MAP7: variants seen among roughly 807,000 people sequenced by gnomAD.
The protein encoded by MAP7 is microtubule associated protein 7.
MAP7 carries 52 observed loss-of-function variants against 94.8 expected under a neutral mutation model. The ratio of observed to expected loss-of-function variants is 0.55; its 90% CI spans 0.44 to 0.69. The LOEUF (loss-of-function observed/expected upper bound fraction) is 0.69, where lower values mean the gene tolerates loss of function less well. Ranked by LOEUF, MAP7 falls within the 30% of genes least tolerant of loss-of-function variation. The pLI, the probability that MAP7 is intolerant of heterozygous loss-of-function variation, is 0.00. For synonymous variants in MAP7, 350 were observed against 357.0 expected, an observed-to-expected ratio of 0.98 and a Z score of 0.22; for missense variants, 940 against 964.6, an observed-to-expected ratio of 0.97 and a Z score of 0.34.
intron 1 of MAP7, among the ~76,000 whole-genome samples, chr6:136,541,721 A>G (rs1829335653): frequency 6.6e-6 from 1 of 152,208 alleles, no homozygotes; most frequent in Admixed American, 6.5e-5. Context: ...AGTTGAATGC[A>G]GTTTTTCTCA....
In MAP7 at chr6:136,365,955, G is replaced by C; in HGVS notation, c.1053C>G (p.Pro351=). The C allele has an allele frequency of 6.2e-7, 1 of 1,613,838 alleles. No homozygotes were observed. Among genetic ancestry groups the C allele is most frequent in the South Asian group, 1.1e-5 (1 of 91,070 alleles). The change falls in exon 10 of 18, where the codon CCC becomes CCG. Residue 351 remains proline (P), a synonymous_variant. Coordinates refer to ENST00000354570, the MANE Select transcript of MAP7 (RefSeq NM_003980.6). The part of the protein sequence containing the change: ...GTPRPTSSLP[P]GSVKAAPAQV... ...GAGCAGGAGCAGCTTTGACTGAGCC[G>C]GGTGGCAAGGAGGATGTCGGTCTGG...
chr6:136,519,668 A>T (rs1052682856), intron 1 of MAP7, among the ~76,000 whole-genome samples: 1 of 152,212 alleles, frequency 6.6e-6, no homozygotes, highest in Non-Finnish European at 1.5e-5. Flanking sequence ...AAGTCACTGC[A>T]GGCTCCAGAA....
chr6:136,370,563 A>G (rs192927241), intron 8 of MAP7, among the ~76,000 whole-genome samples: 1 of 152,376 alleles, frequency 6.6e-6, no homozygotes, highest in East Asian at 1.9e-4. Flanking sequence ...ATATAATGGA[A>G]TATAATTCAG....
intron 1 of MAP7, among the ~76,000 whole-genome samples, chr6:136,465,247 C>T (rs144889323): frequency 1.3e-3 from 197 of 152,250 alleles, no homozygotes; most frequent in African/African-American, 4.5e-3. Flanking sequence ...GTATTTTAAG[C>T]CACTTATCTA....
intron 1 of MAP7, among the ~76,000 whole-genome samples, chr6:136,523,353 G>A (rs1247146355): frequency 6.6e-6 from 1 of 152,196 alleles, no homozygotes; most frequent in Non-Finnish European, 1.5e-5. Context: ...CTACAGACCA[G>A]AACTGTGTTG....
At chr6:136,412,065 C>G (rs1049009474) in intron 2 of MAP7, among the ~76,000 whole-genome samples, 16 of 152,154 alleles carry the variant, frequency 1.1e-4, no homozygotes, top group South Asian at 2.1e-4. Flanking sequence ...TAGCTTTATA[C>G]TGCACAAATG....
At chr6:136,420,526 A>C in intron 2 of MAP7, 1 of 289,462 alleles carries the variant, frequency 3.5e-6, no homozygotes, top group Non-Finnish European at 6.6e-6. Flanking sequence ...GACAGGGTTC[A>C]TGTTGTTTGC....
chr6:136,360,575 C>T (rs1483640889), intron 13 of MAP7, 122 bp downstream of exon 13: 40 of 770,554 alleles, frequency 5.2e-5, no homozygotes, highest in Non-Finnish European at 7.8e-5. Flanking sequence ...ATTGTTATCA[C>T]TGAGGGGGCT....
In MAP7 at chr6:136,517,334, A is replaced by G. The variant is rs574191233; in HGVS notation, c.67+33008T>C. Among the ~76,000 whole-genome samples, 74 of 146,986 alleles carry G rather than the reference A, an allele frequency of 5.0e-4. No individual in the cohort carries two copies. In the Middle Eastern group the frequency reaches 0.017, roughly 34 times the overall value. On this transcript the variant is annotated intron_variant, in intron 1 of 17. Transcript: ENST00000354570. ...AGAAATTTTTACTCACAAGTTAAGGAAAGAGATTAGGGAAAATATCTCTAT... is the reference window on the plus strand; with the variant it reads ...AGAAATTTTTACTCACAAGTTAAGGGAAGAGATTAGGGAAAATATCTCTAT...
chr6:136,488,140 C>T (rs1815363226), intron 1 of MAP7, among the ~76,000 whole-genome samples: 1 of 152,146 alleles, frequency 6.6e-6, no homozygotes, highest in African/African-American at 2.4e-5. Flanking sequence ...TATTCTTGTA[C>T]AAGCTTTTCC....
intron 1 of MAP7, among the ~76,000 whole-genome samples, chr6:136,506,794 G>T (rs1490359736): frequency 6.6e-6 from 1 of 152,158 alleles, no homozygotes; most frequent in Non-Finnish European, 1.5e-5. Flanking sequence ...TAGCTTAATA[G>T]GCAGACAAAA....
rs1372082006 is a variant in MAP7, at chr6:136,377,823, C to T, written c.683G>A (p.Arg228Lys). ...GAACGAATGTGTGGGCGTCAGGAGT[C>T]TGTTAACAACGCTGCTCTCCCATGG... ...LSPWESSVVN[R>K]LLTPTHSFLA... is the part of the protein sequence containing the mutation. The change falls in exon 7 of 18, where the codon AGA becomes AAA. Residue 228 changes from arginine (R) to lysine (K), a missense_variant. Arg to Lys is a conservative substitution (Grantham distance 26). Transcript: ENST00000354570. The T allele has an allele frequency of 1.1e-5, 18 of 1,614,006 alleles. No individual in the cohort carries two copies. The highest frequency in any genetic ancestry group is 1.4e-5 in the Non-Finnish European group (17 of 1,180,004).
At chr6:136,442,877 G>A (rs1440953306) in intron 1 of MAP7, among the ~76,000 whole-genome samples, 1 of 152,084 alleles carries the variant, frequency 6.6e-6, no homozygotes, top group Non-Finnish European at 1.5e-5. Flanking sequence ...CAGTTTTTGT[G>A]CTTTGGATTC....
At chr6:136,497,336 T>G (rs958382550) in intron 1 of MAP7, among the ~76,000 whole-genome samples, 2 of 151,974 alleles carry the variant, frequency 1.3e-5, no homozygotes, top group Admixed American at 1.3e-4. Context: ...TTTAAGGTGT[T>G]TTTGTTAAAA....
At chr6:136,486,552 G>A (rs1031618698) in intron 1 of MAP7, among the ~76,000 whole-genome samples, 1 of 152,210 alleles carries the variant, frequency 6.6e-6, no homozygotes, top group African/African-American at 2.4e-5. Context: ...AAGAGACACT[G>A]ACAAAAATAG....
chr6:136,510,685 GGA>G (rs2129029918), intron 1 of MAP7, among the ~76,000 whole-genome samples: 1 of 151,984 alleles, frequency 6.6e-6, no homozygotes, highest in South Asian at 2.1e-4. Context: ...AGATATTTTG[GGA>G]GCGACCATAC....
intron 1 of MAP7, among the ~76,000 whole-genome samples, chr6:136,467,966 G>A (rs1807659740): frequency 6.6e-6 from 1 of 152,170 alleles, no homozygotes; most frequent in Admixed American, 6.5e-5. Flanking sequence ...AGGGTCAAGT[G>A]TGGGCACTGG....
At chr6:136,493,146 G>A (rs1479035555) in intron 1 of MAP7, among the ~76,000 whole-genome samples, 4 of 117,058 alleles carry the variant, frequency 3.4e-5, no homozygotes, top group East Asian at 2.8e-4. Context: ...TTTTTGAGAC[G>A]GAGTTTCACT....
chr6:136,386,095 G>C (rs1779123438), intron 5 of MAP7, among the ~76,000 whole-genome samples: 1 of 152,290 alleles, frequency 6.6e-6, no homozygotes, highest in East Asian at 1.9e-4. Context: ...TTACAGACCA[G>C]TGCTAGTCGA....
Sources: allele counts gnomAD v4.1 joint callset (sites outside exome capture counted in the v4.1 genomes callset), GRCh38; gene constraint gnomAD v4.1.1; transcripts MANE v1.5; gene names NCBI Gene and HGNC (gene_info 2026-07-23, HGNC 2026-07-21).